Variants in VPS41 observed in about 807,000 individuals in gnomAD.
VPS41 encodes the protein vacuolar protein sorting-associated protein 41 homolog.
In VPS41, 85 loss-of-function variants were observed where a neutral mutation model predicts 130.9. The ratio of observed to expected loss-of-function variants is 0.65; its 90% CI spans 0.55 to 0.78. The LOEUF (loss-of-function observed/expected upper bound fraction) is 0.78. VPS41 is among the 30% of genes least tolerant of loss of function. VPS41 has a pLI of 0.00. For synonymous variants in VPS41, 335 were observed against 332.9 expected, an observed-to-expected ratio of 1.01 and a Z score of -0.07; for missense variants, 874 against 1,018.7, an observed-to-expected ratio of 0.86 and a Z score of 1.93.
chr7:38,814,171 C>T lies in VPS41; in HGVS notation c.450+3646G>A, dbSNP rs747047902. 4.6e-5 allele frequency among the ~76,000 whole-genome samples: 7 copies of T among 152,262 alleles called. No homozygotes were observed. The South Asian group carries it at 6.2e-4, about 14-fold the overall frequency. ...TGCTGCATGCACACTGTCCTTTCTACGGATGTCTGCAAATGATATCAAATG... is the reference window on the plus strand; with the variant it reads ...TGCTGCATGCACACTGTCCTTTCTATGGATGTCTGCAAATGATATCAAATG... On this transcript the variant is annotated intron_variant, in intron 7 of 28. Coordinates refer to ENST00000310301, the MANE Select transcript of VPS41 (RefSeq NM_014396.4).
chr7:38,763,340 C>T (rs1783961270), intron 17 of VPS41, 115 bp downstream of exon 17: 2 of 598,618 alleles, frequency 3.3e-6, no homozygotes, highest in Non-Finnish European at 5.3e-6. Flanking sequence ...TCACCTGCCA[C>T]ATGCAAACTA....
intron 5 of VPS41, among the ~76,000 whole-genome samples, chr7:38,827,077 C>CA (rs1785295884): frequency 6.6e-6 from 1 of 152,148 alleles, no homozygotes; most frequent in Non-Finnish European, 1.5e-5. Context: ...TTCGGCCTCC[C>CA]AAAGTGCTGG....
chr7:38,784,772 G>A (rs1784409712), intron 10 of VPS41, among the ~76,000 whole-genome samples: 1 of 152,222 alleles, frequency 6.6e-6, no homozygotes, highest in Non-Finnish European at 1.5e-5. Context: ...GCTGCATGCA[G>A]TCAGGGTGCC....
chr7:38,827,350 A>G (rs1240757306), intron 5 of VPS41, among the ~76,000 whole-genome samples: 1 of 152,204 alleles, frequency 6.6e-6, no homozygotes, highest in Non-Finnish European at 1.5e-5. Context: ...AGCAAAGTAT[A>G]TGTGTGAGAC....
At position 38,728,681 on chromosome 7, in the gene VPS41, A is replaced by G. The variant is rs1405932861; in HGVS notation, c.2359+11T>C. On this transcript the variant is annotated intron_variant, in intron 26 of 28. Transcript: ENST00000310301. ...CACGTGGTTCCATATGATTATTTCA[A>G]TTTTACCCACCATCAACAAGAACAC... The G allele has an allele frequency of 1.2e-6, 2 of 1,614,024 alleles. No homozygotes were observed. The highest frequency in any genetic ancestry group is 1.7e-6 in the Non-Finnish European group (2 of 1,179,954).
At chr7:38,737,953 C>A (rs1795804101) in intron 25 of VPS41, among the ~76,000 whole-genome samples, 1 of 152,178 alleles carries the variant, frequency 6.6e-6, no homozygotes, top group South Asian at 2.1e-4. Context: ...TGTCTGCAGC[C>A]CCTAAAGCAT....
chr7:38,778,751 T>C (rs965185016), intron 10 of VPS41, among the ~76,000 whole-genome samples: 1 of 152,036 alleles, frequency 6.6e-6, no homozygotes, highest in Non-Finnish European at 1.5e-5. Flanking sequence ...CGTCTCCTAA[T>C]CACAAAAGAA....
chr7:38,779,028 T>C (rs553762579), intron 10 of VPS41, among the ~76,000 whole-genome samples: 1 of 152,342 alleles, frequency 6.6e-6, no homozygotes, highest in African/African-American at 2.4e-5. Context: ...AAGAACATGA[T>C]AGAAACTCCA....
At chr7:38,752,754 T>A (rs1201038655) in intron 21 of VPS41, among the ~76,000 whole-genome samples, 1 of 152,158 alleles carries the variant, frequency 6.6e-6, no homozygotes, top group Non-Finnish European at 1.5e-5. Context: ...AAAAGATGAG[T>A]GGTCTTCCCA....
In VPS41 at chr7:38,821,227, G is replaced by A. The variant is rs185117316; in HGVS notation, c.360C>T (p.His120=). ...CTTTAATGGGACAGTCAAAAGTCTCGTGAAATTCTTCTCCAGAATACAGTC... is the reference window on the plus strand; with the variant it reads ...CTTTAATGGGACAGTCAAAAGTCTCATGAAATTCTTCTCCAGAATACAGTC... ...VFGLYSGEEF[H]ETFDCPIKII... Residue 120 remains histidine (H), a synonymous_variant, in exon 6 of 29, where the codon CAC becomes CAT. Transcript: ENST00000310301. 31 of 1,613,718 alleles carry A rather than the reference G, an allele frequency of 1.9e-5. No homozygotes were observed. Among genetic ancestry groups the A allele is most frequent in the Middle Eastern group, 1.7e-4 (1 of 6,058 alleles).
chr7:38,737,379 A>T (rs1472761097), intron 25 of VPS41, among the ~76,000 whole-genome samples: 1 of 152,132 alleles, frequency 6.6e-6, no homozygotes, highest in Non-Finnish European at 1.5e-5. Flanking sequence ...TCAAAAAAAT[A>T]AAAATAAAAA....
chr7:38,899,499 G>C (rs1212193179), intron 1 of VPS41, among the ~76,000 whole-genome samples: 3 of 152,166 alleles, frequency 2.0e-5, no homozygotes, highest in South Asian at 4.1e-4. Flanking sequence ...ACAGTTCCTG[G>C]TTTTAGTCCT....
chr7:38,738,126 C>T (rs757221105), intron 25 of VPS41, among the ~76,000 whole-genome samples: 2 of 152,182 alleles, frequency 1.3e-5, no homozygotes, highest in South Asian at 4.1e-4. Context: ...ATTTCCACTG[C>T]ACCATGACAC....
intron 22 of VPS41, among the ~76,000 whole-genome samples, chr7:38,747,399 C>G (rs1283594960): frequency 6.6e-6 from 1 of 152,112 alleles, no homozygotes. Context: ...CACTGTAATA[C>G]AACTGAATAA....
intron 14 of VPS41, among the ~76,000 whole-genome samples, chr7:38,769,040 A>T (rs1354835290): frequency 6.6e-6 from 1 of 152,134 alleles, no homozygotes; most frequent in Admixed American, 6.6e-5. Flanking sequence ...ACTCCCTACA[A>T]CATGTTCAGA....
chr7:38,772,372 G>A (rs1347188929), intron 13 of VPS41, 150 bp downstream of exon 13: 2 of 514,022 alleles, frequency 3.9e-6, no homozygotes, highest in East Asian at 3.4e-5. Context: ...ATTTCTGAAG[G>A]GGGTACTAGA....
At chr7:38,908,584 C>T (rs1016908056) in intron 1 of VPS41, among the ~76,000 whole-genome samples, 10 of 152,180 alleles carry the variant, frequency 6.6e-5, no homozygotes, top group Admixed American at 3.3e-4. Flanking sequence ...CCATCTCACA[C>T]TGGAAAGTTA....
chr7:38,783,682 C>A (rs1032359725), intron 10 of VPS41, among the ~76,000 whole-genome samples: 2 of 152,058 alleles, frequency 1.3e-5, no homozygotes, highest in African/African-American at 2.4e-5. Context: ...TGACCATAAG[C>A]CCCTTAAGCC....
chr7:38,864,949 A>T (rs1786197400), intron 3 of VPS41, among the ~76,000 whole-genome samples: 2 of 152,112 alleles, frequency 1.3e-5, no homozygotes, highest in African/African-American at 4.8e-5. Context: ...AGTAACTGAT[A>T]AATGTACATC....
Sources: gnomAD v4.1 joint callset for allele counts (sites outside exome capture counted in the v4.1 genomes callset) on GRCh38, gnomAD v4.1.1 for gene constraint, MANE v1.5 for transcripts, NCBI Gene and HGNC (gene_info 2026-07-23, HGNC 2026-07-21) for gene names.